Variants in TTC28 observed in about 807,000 individuals in gnomAD.
TTC28 encodes tetratricopeptide repeat protein 28.
In TTC28, 61 loss-of-function variants were observed where a neutral mutation model predicts 198.0. The observed-to-expected ratio is 0.31, with a 90% CI of 0.25 to 0.38. The LOEUF (loss-of-function observed/expected upper bound fraction) is 0.38, where lower values mean the gene tolerates loss of function less well. Ranked by LOEUF, TTC28 falls within the 10% of genes least tolerant of loss-of-function variation. TTC28 has a pLI of 1.00. For missense variants in TTC28, 2,678 were observed against 3,164.0 expected, an observed-to-expected ratio of 0.85 and a Z score of 3.69; for synonymous variants, 1,171 against 1,297.8, an observed-to-expected ratio of 0.90 and a Z score of 2.10.
intron 2 of TTC28, among the ~76,000 whole-genome samples, chr22:28,314,668 T>C (rs939604571): frequency 6.6e-6 from 1 of 152,158 alleles, no homozygotes; most frequent in South Asian, 2.1e-4. Flanking sequence ...GAGTTGCTCC[T>C]ATTCGGCCAT....
At chr22:28,242,379 T>C (rs1929720793) in intron 5 of TTC28, among the ~76,000 whole-genome samples, 1 of 152,208 alleles carries the variant, frequency 6.6e-6, no homozygotes, top group South Asian at 2.1e-4. Context: ...CTCTAAAAAC[T>C]ACAGTGAATA....
chr22:28,416,545 C>CTTG (rs531387414), intron 2 of TTC28, among the ~76,000 whole-genome samples: 7 of 152,166 alleles, frequency 4.6e-5, no homozygotes, highest in South Asian at 2.1e-4. Flanking sequence ...TAAAATGGAA[C>CTTG]TTGTTGTTGT....
intron 2 of TTC28, among the ~76,000 whole-genome samples, chr22:28,442,587 T>G (rs927827813): frequency 4.3e-4 from 65 of 152,248 alleles, no homozygotes; most frequent in African/African-American, 1.5e-3. Context: ...GGCTGGCTCC[T>G]GCAAAGCTAA....
chr22:28,610,117 TC>T (rs1349956117), intron 2 of TTC28, among the ~76,000 whole-genome samples: 16 of 152,176 alleles, frequency 1.1e-4, no homozygotes, highest in African/African-American at 3.9e-4. Context: ...ACCCCCATCT[TC>T]CTGGGACAAA....
intron 2 of TTC28, among the ~76,000 whole-genome samples, chr22:28,373,938 T>C (rs887150558): frequency 1.3e-5 from 2 of 152,248 alleles, no homozygotes; most frequent in Non-Finnish European, 2.9e-5. Context: ...CTTTGAAACA[T>C]CCTGCCTCCC....
At chr22:28,653,990 T>C (rs969106556) in intron 1 of TTC28, among the ~76,000 whole-genome samples, 5 of 152,246 alleles carry the variant, frequency 3.3e-5, no homozygotes, top group African/African-American at 7.2e-5. Context: ...TTTAGGACTA[T>C]TGTGTGCTGA....
In TTC28 at chr22:28,107,935, C is replaced by G; in HGVS notation, c.1910G>C (p.Cys637Ser). 1 of 1,551,700 alleles carries G rather than the reference C, an allele frequency of 6.4e-7. No individual in the cohort carries two copies. The highest frequency in any genetic ancestry group is 8.7e-7 in the Non-Finnish European group (1 of 1,147,002). Reference protein sequence around the residue: ...LQDMEGEGKVCHNLGYAHYCL... With the variant: ...LQDMEGEGKVSHNLGYAHYCL... Reference sequence around the variant, plus strand: ...GTAATGGGCATAGCCAAGATTGTGGCAGACCTTCCCTTCTCCTTCCATGTC... The same window carrying G: ...GTAATGGGCATAGCCAAGATTGTGGGAGACCTTCCCTTCTCCTTCCATGTC... Residue 637 changes from cysteine to serine, a missense_variant, in exon 7 of 23, where the codon TGC becomes TCC. Physicochemically the swap from Cys to Ser is moderately radical, Grantham distance 112. Around this residue, in one of 8 missense-constraint regions of TTC28, gnomAD observed 775 missense variants for 845.9 expected, o/e 0.92. Coordinates refer to ENST00000397906, the MANE Select transcript of TTC28 (RefSeq NM_001145418.2).
In TTC28 at chr22:28,349,468, T is replaced by C. The variant is rs139433375; in HGVS notation, c.382-42825A>G. On this transcript the variant is annotated intron_variant, in intron 2 of 22. Transcript: ENST00000397906. ...CCACGACTGAACAAATGCCCATCCA[T>C]CTGCCTGAATGGTACTAAAGAATAC... Among the ~76,000 whole-genome samples, 33 of 152,308 alleles carry C rather than the reference T, an allele frequency of 2.2e-4. No homozygotes were observed. The East Asian group carries it at 6.4e-3, about 29-fold the overall frequency.
At chr22:28,107,011 A>C in intron 7 of TTC28, 51 bp downstream of exon 7, 2 of 1,492,894 alleles carry the variant, frequency 1.3e-6, no homozygotes, top group Non-Finnish European at 1.8e-6. Flanking sequence ...TACTGCCACA[A>C]ATGCTCTTTT....
At chr22:28,201,400 A>T (rs1314554116) in intron 5 of TTC28, among the ~76,000 whole-genome samples, 2 of 152,126 alleles carry the variant, frequency 1.3e-5, no homozygotes, top group Non-Finnish European at 2.9e-5. Flanking sequence ...CAGCAAGAAG[A>T]CTTAACCTTC....
At chr22:28,491,007 T>C (rs1016181228) in intron 2 of TTC28, among the ~76,000 whole-genome samples, 3 of 152,212 alleles carry the variant, frequency 2.0e-5, no homozygotes, top group Admixed American at 2.0e-4. Context: ...TCAAGAAGTT[T>C]GTTTATTTGA....
intron 10 of TTC28, among the ~76,000 whole-genome samples, chr22:28,098,013 G>C (rs1169354911): frequency 1.3e-5 from 2 of 152,170 alleles, no homozygotes; most frequent in Non-Finnish European, 2.9e-5. Context: ...TATCGAAAAG[G>C]CCTCAACATC....
intron 2 of TTC28, among the ~76,000 whole-genome samples, chr22:28,603,254 G>A (rs2050671149): frequency 6.6e-6 from 1 of 151,642 alleles, no homozygotes; most frequent in Admixed American, 6.6e-5. Flanking sequence ...GAAAGAAATG[G>A]GAGAAAAAAG....
chr22:28,076,176 C>A (rs1188303516), intron 12 of TTC28, among the ~76,000 whole-genome samples: 1 of 152,152 alleles, frequency 6.6e-6, no homozygotes, highest in Admixed American at 6.5e-5. Context: ...AAAACCTTAT[C>A]AATTTGGATT....
At chr22:28,600,081 C>A (rs2050613595) in intron 2 of TTC28, among the ~76,000 whole-genome samples, 1 of 152,166 alleles carries the variant, frequency 6.6e-6, no homozygotes, top group Non-Finnish European at 1.5e-5. Context: ...ATAATTAAAT[C>A]TTGTTGCTTA....
At chr22:28,623,960 C>G (rs1181819408) in intron 2 of TTC28, among the ~76,000 whole-genome samples, 1 of 151,738 alleles carries the variant, frequency 6.6e-6, no homozygotes, top group Non-Finnish European at 1.5e-5. Flanking sequence ...AAGTCAATGG[C>G]CTATGTTCTC....
chr22:28,235,613 A>G (rs1352627223), intron 5 of TTC28, among the ~76,000 whole-genome samples: 1 of 152,242 alleles, frequency 6.6e-6, no homozygotes, highest in African/African-American at 2.4e-5. Context: ...ACTGGAATAG[A>G]ACATGAAGTC....
intron 16 of TTC28, 170 bp from the exon 17 acceptor site, chr22:27,996,429 G>A: frequency 1.1e-6 from 1 of 898,250 alleles, no homozygotes; most frequent in Non-Finnish European, 1.6e-6. Flanking sequence ...GGATGGTGAT[G>A]TGGCACCCTT....
intron 2 of TTC28, among the ~76,000 whole-genome samples, chr22:28,317,832 C>A (rs1470839471): frequency 6.6e-6 from 1 of 152,084 alleles, no homozygotes; most frequent in African/African-American, 2.4e-5. Flanking sequence ...TCAATCTGTA[C>A]CCTTAAGACC....
Sources: gnomAD v4.1 joint callset for allele counts (sites outside exome capture counted in the v4.1 genomes callset) on GRCh38, gnomAD v4.1.1 for gene constraint, gnomAD v4.1.1 regional missense constraint, MANE v1.5 for transcripts, NCBI Gene and HGNC (gene_info 2026-07-23, HGNC 2026-07-21) for gene names.